Variants in COL11A2 observed in about 807,000 individuals in gnomAD.
COL11A2 encodes collagen type XI alpha 2 chain.
COL11A2 carries 116 observed loss-of-function variants against 273.4 expected under a neutral mutation model. The observed-to-expected ratio is 0.42, with a 90% CI of 0.36 to 0.49. The LOEUF (loss-of-function observed/expected upper bound fraction) is 0.49. COL11A2 is among the 20% of genes least tolerant of loss of function. The pLI, the probability that COL11A2 is intolerant of heterozygous loss-of-function variation, is 0.00. For synonymous variants in COL11A2, 782 were observed against 864.2 expected, an observed-to-expected ratio of 0.90 and a Z score of 1.67; for missense variants, 1,866 against 2,309.0, an observed-to-expected ratio of 0.81 and a Z score of 3.93.
chr6:33,178,371 G>A lies in COL11A2; in HGVS notation c.1774-19C>T, dbSNP rs1245823983. 3 of 1,612,694 alleles carry A rather than the reference G, an allele frequency of 1.9e-6. No homozygotes were observed. Among genetic ancestry groups the A allele is most frequent in the Admixed American group, 1.7e-5 (1 of 59,994 alleles). ...CATCTCCCTGGAGGAGGAGGACACG[G>A]TAAAGCTGCTGTGCCTTCTAGACCT... On this transcript the variant is annotated intron_variant, in intron 19 of 65. Coordinates refer to ENST00000341947, the MANE Select transcript of COL11A2 (RefSeq NM_080680.3). The surrounding 1 kb of genome is among the most constrained non-coding windows in gnomAD (Gnocchi z 4.6).
Position 33,180,984 on chromosome 6 carries a change from G to A in COL11A2, c.1201C>T (p.Pro401Ser). 6.2e-7 allele frequency: 1 copy of A among 1,614,052 alleles called. No homozygotes were observed. The highest frequency in any genetic ancestry group is 1.1e-5 in the South Asian group (1 of 91,088). Reference sequence around the variant, plus strand: ...CTTACCGCAGGGCCTTCTGGGCCAGGGGGCCCCTCCACGAGCATACCCTGT... The same window carrying A: ...CTTACCGCAGGGCCTTCTGGGCCAGAGGGCCCCTCCACGAGCATACCCTGT... ...LEPGMLVEGP[P>S]GPEGPAGLIG... Residue 401 changes from proline to serine, a missense_variant, in exon 10 of 66, where the codon CCT becomes TCT. Physicochemically the swap from Pro to Ser is moderately conservative, Grantham distance 74. Coordinates refer to ENST00000341947, the MANE Select transcript of COL11A2 (RefSeq NM_080680.3).
intron 8 of COL11A2, among the ~76,000 whole-genome samples, chr6:33,183,605 C>T (rs574778586): frequency 1.3e-5 from 2 of 152,212 alleles, no homozygotes; most frequent in South Asian, 4.1e-4. Context: ...AGAGCCAGAA[C>T]AGAAATAATA....
Position 33,176,313 on chromosome 6 carries a change from G to A in COL11A2, c.2170-10C>T. ...GAATTCCGTCCACACCCTAGAATTA[G>A]AGAGGGGATAGAAGTAGACTGATCA... On this transcript the variant is annotated splice_polypyrimidine_tract_variant and intron_variant, in intron 27 of 65. Transcript: ENST00000341947. The surrounding 1 kb of genome is among the most constrained non-coding windows in gnomAD (Gnocchi z 4.9). The A allele has an allele frequency of 1.2e-6, 2 of 1,604,832 alleles. No individual in the cohort carries two copies. The highest frequency in any genetic ancestry group is 1.7e-6 in the Non-Finnish European group (2 of 1,175,698).
chr6:33,179,652 C>T lies in COL11A2; in HGVS notation c.1446+67G>A. 3 of 1,581,164 alleles carry T rather than the reference C, an allele frequency of 1.9e-6. No homozygotes were observed. The highest frequency in any genetic ancestry group is 2.6e-6 in the Non-Finnish European group (3 of 1,157,642). On this transcript the variant is annotated intron_variant, in intron 13 of 65. Transcript: ENST00000341947. This position sits in a 1 kb window ranked among gnomAD's most constrained non-coding sequence, Gnocchi z 6.4. ...CAACCCAGGCCTCCCCTGCCGCACA[C>T]TCACTCCAGCCAACCCTTCCAGTGC... is the stretch of plus-strand genomic sequence containing the variant.
intron 3 of COL11A2, among the ~76,000 whole-genome samples, chr6:33,188,738 G>C (rs945882028): frequency 2.6e-5 from 4 of 152,196 alleles, no homozygotes; most frequent in African/African-American, 9.7e-5. Flanking sequence ...TACAGATGTA[G>C]AAACTGAGGC....
Position 33,176,870 on chromosome 6 carries a change from A to C in COL11A2, c.2071-105T>G. ...AATTTCCTGTGACCTAGTGAAGCCA[A>C]CTGTCCATGGACAAGCACCACCAGT... On this transcript the variant is annotated intron_variant, in intron 25 of 65. Coordinates refer to ENST00000341947, the MANE Select transcript of COL11A2 (RefSeq NM_080680.3). This position sits in a 1 kb window ranked among gnomAD's most constrained non-coding sequence, Gnocchi z 4.9. 14 of 1,535,278 alleles carry C rather than the reference A, an allele frequency of 9.1e-6. No individual in the cohort carries two copies. The highest frequency in any genetic ancestry group is 1.2e-5 in the Non-Finnish European group (14 of 1,125,380).
chr6:33,182,278 G>T (rs899668207), intron 8 of COL11A2, among the ~76,000 whole-genome samples: 23 of 151,310 alleles, frequency 1.5e-4, no homozygotes, highest in African/African-American at 5.6e-4. Context: ...CCATCTCAAA[G>T]AAAAAAAAGA....
At chr6:33,186,532 G>T in intron 5 of COL11A2, 95 bp downstream of exon 5, 1 of 1,604,962 alleles carries the variant, frequency 6.2e-7, no homozygotes, top group Non-Finnish European at 8.5e-7. Context: ...GGAATAGGGA[G>T]ATGAGGGTGG....
rs41317098 is a variant in COL11A2, at chr6:33,176,689, C to A, written c.2115+32G>T. ...AGGCTCTAGAGTCTGAGTGGAGACTCCCTCAGGGGATAAAGACATGGAAGA... is the reference window on the plus strand; with the variant it reads ...AGGCTCTAGAGTCTGAGTGGAGACTACCTCAGGGGATAAAGACATGGAAGA... On this transcript the variant is annotated intron_variant, in intron 26 of 65. Transcript: ENST00000341947. The surrounding 1 kb of genome is among the most constrained non-coding windows in gnomAD (Gnocchi z 4.9). 0.054 allele frequency: 86,794 copies of A among 1,605,700 alleles called. 4,954 individuals carry two copies. Among genetic ancestry groups the A allele is most frequent in the African/African-American group, 0.29 (21,733 of 74,678 alleles).
Position 33,172,631 on chromosome 6 carries a change from C to T in COL11A2, c.2797G>A (p.Ala933Thr), listed in dbSNP as rs886043811. The T allele has an allele frequency of 1.2e-6, 2 of 1,612,168 alleles. No homozygotes were observed. Among genetic ancestry groups the T allele is most frequent in the South Asian group, 1.1e-5 (1 of 91,082 alleles). Reference protein sequence around the residue: ...PPGVVGPQGAAGETGPMGERG... With the variant: ...PPGVVGPQGATGETGPMGERG... ...TCCCCCATAGGGCCGGTTTCTCCTG[C>T]TGCTCCCTAGACAAAAGCAGAGAGA... The change falls in exon 39 of 66, where the codon GCA becomes ACA. Residue 933 changes from alanine (A) to threonine (T), a missense_variant. Transcript: ENST00000341947.
At position 33,170,209 on chromosome 6, in the gene COL11A2, T is replaced by C; in HGVS notation, c.3583-109A>G. On this transcript the variant is annotated intron_variant, in intron 48 of 65. Coordinates refer to ENST00000341947, the MANE Select transcript of COL11A2 (RefSeq NM_080680.3). This position sits in a 1 kb window ranked among gnomAD's most constrained non-coding sequence, Gnocchi z 4.3. ...TTACAGCAGTGAGGCAGTGGAGGCC[T>C]CCCGGGAGTAAGGGCTTCTCTTGGC... 6.3e-7 allele frequency: 1 copy of C among 1,576,880 alleles called. No individual in the cohort carries two copies. Among genetic ancestry groups the C allele is most frequent in the African/African-American group, 1.3e-5 (1 of 74,134 alleles).
Position 33,169,542 on chromosome 6 carries a change from G to T in COL11A2, c.3691-52C>A. The T allele has an allele frequency of 6.4e-7, 1 of 1,557,892 alleles. No individual in the cohort carries two copies. Among genetic ancestry groups the T allele is most frequent in the Non-Finnish European group, 8.8e-7 (1 of 1,132,332 alleles). Reference sequence around the variant, plus strand: ...GGCCCAGGGAATCTTGAAGATCAGGGATGCAGCCTCTGCTTCCGAGACACC... The same window carrying T: ...GGCCCAGGGAATCTTGAAGATCAGGTATGCAGCCTCTGCTTCCGAGACACC... On this transcript the variant is annotated intron_variant, in intron 50 of 65. Coordinates refer to ENST00000341947, the MANE Select transcript of COL11A2 (RefSeq NM_080680.3). This position sits in a 1 kb window ranked among gnomAD's most constrained non-coding sequence, Gnocchi z 5.5.
chr6:33,185,157 C>G, intron 6 of COL11A2, 103 bp from the exon 7 acceptor site: 2 of 835,082 alleles, frequency 2.4e-6, no homozygotes, highest in Non-Finnish European at 4.0e-6. Context: ...AGGGCAGGGT[C>G]TGTCTGTGCT....
intron 30 of COL11A2, among the ~76,000 whole-genome samples, 186 bp from the exon 31 acceptor site, chr6:33,174,766 G>C (rs1343412832): frequency 6.6e-6 from 1 of 151,876 alleles, no homozygotes; most frequent in East Asian, 1.9e-4. Flanking sequence ...CTTCCCGTGA[G>C]TGGATTTTCC....
chr6:33,193,066 G>A (rs993648588), upstream of COL11A2, among the ~76,000 whole-genome samples: 8 of 152,230 alleles, frequency 5.3e-5, no homozygotes, highest in South Asian at 2.1e-4. Context: ...ATGCAAATGG[G>A]GGACGCGGTT....
Position 33,169,415 on chromosome 6 carries a change from G to A in COL11A2, c.3766C>T (p.Pro1256Ser), listed in dbSNP as rs767982896. ...GEPGPPGPKG[P>S]TGDDGPKGNP... ...CCTTTGGGGCCATCATCGCCTGTGG[G>A]GCCTTTAGGCCCTGGTGGCCCTGGC... The change falls in exon 51 of 66, where the codon CCC (proline) becomes TCC (serine). Residue 1256 changes from proline to serine, a missense_variant. Physicochemically the swap from Pro to Ser is moderately conservative, Grantham distance 74 (BLOSUM62 -1). Coordinates refer to ENST00000341947, the MANE Select transcript of COL11A2 (RefSeq NM_080680.3). This position sits in a 1 kb window ranked among gnomAD's most constrained non-coding sequence, Gnocchi z 5.5. 1 of 1,612,858 alleles carries A rather than the reference G, an allele frequency of 6.2e-7. No homozygotes were observed.
rs140017436 is a variant in COL11A2, at chr6:33,164,378, G to C, written c.4959C>G (p.Tyr1653Ter). ...CGTCACGGGCTGCTCCAGAGCAGGGGTAGGAGACGTCCTGGTGGGCTGAGA... is the reference window on the plus strand; with the variant it reads ...CGTCACGGGCTGCTCCAGAGCAGGGCTAGGAGACGTCCTGGTGGGCTGAGA... The part of the protein sequence containing the change: ...LSVSAHQDVS[Y>*]PCSGAARDGP... The change falls in exon 65 of 66, where the codon TAC becomes TAG. Residue 1653 changes from tyrosine to a stop codon, truncating the protein, a stop_gained. Transcript: ENST00000341947. LOFTEE classifies it high-confidence loss of function. This position sits in a 1 kb window ranked among gnomAD's most constrained non-coding sequence, Gnocchi z 4.7. 1 of 1,611,570 alleles carries C rather than the reference G, an allele frequency of 6.2e-7. No individual in the cohort carries two copies. The highest frequency in any genetic ancestry group is 8.5e-7 in the Non-Finnish European group (1 of 1,179,362).
At chr6:33,180,441 G>A in intron 11 of COL11A2, 109 bp from the exon 12 acceptor site, 1 of 1,074,818 alleles carries the variant, frequency 9.3e-7, no homozygotes, top group Admixed American at 2.1e-5. Flanking sequence ...GATTGCTCTA[G>A]CTCTTTCCTG....
chr6:33,167,900 G>A lies in COL11A2; in HGVS notation c.3961-48C>T, dbSNP rs768463687. ...GAGCACATGAGGCCGTGGGCAGCCA[G>A]GCTCAACTCTTCCCCCTTCCTGTCC... is the stretch of plus-strand genomic sequence containing the variant. On this transcript the variant is annotated intron_variant, in intron 54 of 65. Coordinates refer to ENST00000341947, the MANE Select transcript of COL11A2 (RefSeq NM_080680.3). This position sits in a 1 kb window ranked among gnomAD's most constrained non-coding sequence, Gnocchi z 6.1. 3 of 1,602,924 alleles carry A rather than the reference G, an allele frequency of 1.9e-6. No homozygotes were observed. Among genetic ancestry groups the A allele is most frequent in the South Asian group, 2.2e-5 (2 of 90,158 alleles).
Sources: allele counts gnomAD v4.1 joint callset (sites outside exome capture counted in the v4.1 genomes callset), GRCh38; gene constraint gnomAD v4.1.1; non-coding constraint Gnocchi (gnomAD v3.1); transcripts MANE v1.5; gene names NCBI Gene and HGNC (gene_info 2026-07-23, HGNC 2026-07-21).